BMP6: variants seen among roughly 807,000 people sequenced by gnomAD.
The protein encoded by BMP6 is bone morphogenetic protein 6, also known as VG-1-R.
BMP6 carries 17 observed loss-of-function variants against 54.1 expected under a neutral mutation model. The observed-to-expected ratio is 0.31, with a 90% CI of 0.22 to 0.47. BMP6 has a LOEUF of 0.47. Ranked by LOEUF, BMP6 falls within the 20% of genes least tolerant of loss-of-function variation. The probability of loss-of-function intolerance (pLI) is 1.00; values close to 1 mark genes in which losing one functional copy is unlikely to be tolerated. For missense variants in BMP6, 720 were observed against 690.4 expected (o/e 1.04, Z -0.48); for synonymous variants, 328 against 291.2 (o/e 1.13, Z -1.28).
chr6:7,810,809 C>A (rs1007856942), intron 1 of BMP6, among the ~76,000 whole-genome samples: 20 of 152,198 alleles, frequency 1.3e-4, no homozygotes, highest in African/African-American at 3.9e-4. Context: ...TCTTTCTTAT[C>A]TTGCTTCTCT....
chr6:7,784,411 A>C (rs1581246449), intron 1 of BMP6, among the ~76,000 whole-genome samples: 1 of 146,736 alleles, frequency 6.8e-6, no homozygotes, highest in East Asian at 1.9e-4. Flanking sequence ...GTCTGTGTGT[A>C]GGCGTCTGAG....
At chr6:7,747,758 C>T (rs12523957) in intron 1 of BMP6, among the ~76,000 whole-genome samples, 3,511 of 152,054 alleles carry the variant, frequency 0.023, 61 homozygotes, top group Non-Finnish European at 0.037. Flanking sequence ...GCGATCCTCT[C>T]GCCTCAGCCT....
At chr6:7,855,553 C>CTTTT (rs778898901) in intron 2 of BMP6, among the ~76,000 whole-genome samples, 28 of 105,052 alleles carry the variant, frequency 2.7e-4, no homozygotes, top group African/African-American at 4.1e-4. Flanking sequence ...CTCTCTCTCT[C>CTTTT]TTTTTTTTTT....
chr6:7,864,892 G>A (rs747181109), intron 4 of BMP6, among the ~76,000 whole-genome samples: 12 of 152,084 alleles, frequency 7.9e-5, no homozygotes, highest in Non-Finnish European at 1.2e-4. Flanking sequence ...TTTTCCTTCG[G>A]GCTATGATGA....
intron 1 of BMP6, among the ~76,000 whole-genome samples, chr6:7,740,576 A>C (rs565890729): frequency 6.6e-6 from 1 of 152,232 alleles, no homozygotes; most frequent in African/African-American, 2.4e-5. Context: ...CTCTCATTGC[A>C]AGCTGGTAAC....
chr6:7,845,291 T>A lies in BMP6; in HGVS notation c.816T>A (p.Phe272Leu). 1 of 1,614,134 alleles carries A rather than the reference T, an allele frequency of 6.2e-7. No homozygotes were observed. The highest frequency in any genetic ancestry group is 8.5e-7 in the Non-Finnish European group (1 of 1,180,008). Residue 272 changes from phenylalanine (F) to leucine (L), a missense_variant, in exon 2 of 7, where the codon TTT becomes TTA. Physicochemically the swap from Phe to Leu is conservative, Grantham distance 22. This residue lies in a region of BMP6 where 650 missense variants were observed against 556.3 expected (regional missense o/e 1.17). Transcript: ENST00000283147. ...CVMGSFKNQTFLISIYQVLQE... is the reference protein window; with the variant it reads ...CVMGSFKNQTLLISIYQVLQE... Reference sequence around the variant, plus strand: ...TGGGGAGTTTTAAAAACCAAACTTTTCTTATCAGCATTTATCAAGTCTTAC... The same window carrying A: ...TGGGGAGTTTTAAAAACCAAACTTTACTTATCAGCATTTATCAAGTCTTAC...
chr6:7,813,586 T>C (rs1323050347), intron 1 of BMP6, among the ~76,000 whole-genome samples: 2 of 130,228 alleles, frequency 1.5e-5, no homozygotes, highest in African/African-American at 6.0e-5. Context: ...AAGGGTCCAG[T>C]GAGCTGTGAT....
intron 1 of BMP6, among the ~76,000 whole-genome samples, chr6:7,824,694 C>T (rs1483802299): frequency 6.6e-6 from 1 of 152,142 alleles, no homozygotes; most frequent in Non-Finnish European, 1.5e-5. Flanking sequence ...TATTAACATA[C>T]CTTGTAGATA....
intron 1 of BMP6, among the ~76,000 whole-genome samples, chr6:7,761,080 C>T (rs929648918): frequency 6.6e-6 from 1 of 152,200 alleles, no homozygotes; most frequent in African/African-American, 2.4e-5. Flanking sequence ...CGTTACAATG[C>T]GATACAATAT....
intron 1 of BMP6, among the ~76,000 whole-genome samples, chr6:7,843,125 T>C (rs769577558): frequency 4.6e-5 from 7 of 152,242 alleles, no homozygotes; most frequent in Non-Finnish European, 8.8e-5. Context: ...CCCAACAATA[T>C]TGCTTTTCAT....
At chr6:7,808,390 A>G (rs1348399797) in intron 1 of BMP6, among the ~76,000 whole-genome samples, 1 of 152,082 alleles carries the variant, frequency 6.6e-6, no homozygotes. Context: ...TTTACCAGAA[A>G]CTGCTCAGAG....
intron 1 of BMP6, among the ~76,000 whole-genome samples, chr6:7,834,569 C>T (rs1758844673): frequency 6.6e-6 from 1 of 151,140 alleles, no homozygotes; most frequent in Non-Finnish European, 1.5e-5. Context: ...GGTGTGGTGA[C>T]ATGCACCTGG....
At chr6:7,848,297 A>G (rs529659317) in intron 2 of BMP6, among the ~76,000 whole-genome samples, 2 of 152,354 alleles carry the variant, frequency 1.3e-5, no homozygotes, top group African/African-American at 4.8e-5. Context: ...ACTGGGGTTC[A>G]CAAAGTGTAT....
In BMP6 at chr6:7,765,471, C is replaced by T. The variant is rs915141579; in HGVS notation, c.664+37852C>T. Reference sequence around the variant, plus strand: ...CTTGGTGCAGTTAGGTACCTTGCCCCGTGACCACACCTGATATTAATAAGG... The same window carrying T: ...CTTGGTGCAGTTAGGTACCTTGCCCTGTGACCACACCTGATATTAATAAGG... On this transcript the variant is annotated intron_variant, in intron 1 of 6. Transcript: ENST00000283147. Among the ~76,000 whole-genome samples, 67 of 152,172 alleles carry T rather than the reference C, an allele frequency of 4.4e-4. 1 individual carries two copies. Among genetic ancestry groups the T allele is most frequent in the Non-Finnish European group, 1.3e-4 (9 of 68,040 alleles).
At chr6:7,797,850 G>T (rs766280241) in intron 1 of BMP6, among the ~76,000 whole-genome samples, 61 of 152,272 alleles carry the variant, frequency 4.0e-4, no homozygotes, top group Non-Finnish European at 8.4e-4. Context: ...TTTTATGTGT[G>T]TTTTTCTTTT....
chr6:7,815,424 G>A (rs1420097407), intron 1 of BMP6, among the ~76,000 whole-genome samples: 2 of 152,196 alleles, frequency 1.3e-5, no homozygotes, highest in African/African-American at 4.8e-5. Flanking sequence ...AGTAAATTAG[G>A]ATAATAATTG....
intron 1 of BMP6, among the ~76,000 whole-genome samples, chr6:7,782,734 A>G (rs1581245727): frequency 6.6e-6 from 1 of 152,122 alleles, no homozygotes; most frequent in East Asian, 1.9e-4. Flanking sequence ...AAAAAAAAGT[A>G]TAGATGAACT....
chr6:7,808,109 A>T (rs1262099223), intron 1 of BMP6, among the ~76,000 whole-genome samples: 1 of 151,620 alleles, frequency 6.6e-6, no homozygotes, highest in African/African-American at 2.4e-5. Context: ...TTTAGTAGAG[A>T]TGGGGTTTCA....
intron 1 of BMP6, among the ~76,000 whole-genome samples, chr6:7,754,110 T>C (rs1190534825): frequency 6.6e-6 from 1 of 152,152 alleles, no homozygotes; most frequent in Non-Finnish European, 1.5e-5. Flanking sequence ...TTGTTCTTTA[T>C]TGTCTTTTTT....
Sources: gnomAD v4.1 joint callset for allele counts (sites outside exome capture counted in the v4.1 genomes callset) on GRCh38, gnomAD v4.1.1 for gene constraint, gnomAD v4.1.1 regional missense constraint, MANE v1.5 for transcripts, NCBI Gene and HGNC (gene_info 2026-07-23, HGNC 2026-07-21) for gene names.